Variants in NYAP2 observed in about 807,000 individuals in gnomAD.
NYAP2 encodes the protein neuronal tyrosine-phosphorylated phosphoinositide-3-kinase adapter 2.
A neutral mutation model predicts 50.4 loss-of-function variants in NYAP2; 23 were observed. The observed-to-expected ratio is 0.46, with a 90% CI of 0.33 to 0.65. The LOEUF is 0.65. Ranked by LOEUF, NYAP2 falls within the 30% of genes least tolerant of loss-of-function variation. NYAP2 has a pLI of 0.02. For synonymous variants in NYAP2, 394 were observed against 365.2 expected, an observed-to-expected ratio of 1.08 and a Z score of -0.90; for missense variants, 885 against 861.0, an observed-to-expected ratio of 1.03 and a Z score of -0.35.
At chr2:225,583,119 A>G in intron 5 of NYAP2, 84 bp downstream of exon 5, 1 of 1,449,666 alleles carries the variant, frequency 6.9e-7, no homozygotes, top group African/African-American at 1.4e-5. Flanking sequence ...CAGATAACGC[A>G]CAGAGTACGG....
chr2:225,656,711 A>T (rs527893876), downstream of NYAP2, among the ~76,000 whole-genome samples: 55 of 152,216 alleles, frequency 3.6e-4, no homozygotes, highest in South Asian at 6.2e-4. Context: ...CAAAATAGGG[A>T]TGTGGGGTCA....
In NYAP2 at chr2:225,469,663, T is replaced by C. The variant is rs961428701; in HGVS notation, c.222-43708T>C. 1.0e-3 allele frequency among the ~76,000 whole-genome samples: 154 copies of C among 152,340 alleles called. 1 individual carries two copies. The highest frequency in any genetic ancestry group is 3.5e-3 in the African/African-American group (145 of 41,592). On this transcript the variant is annotated intron_variant, in intron 3 of 6. Transcript: ENST00000636099. ...GGCACATATACACCATGGAATACTA[T>C]GCAACCATAAAGAAGGATGAGTTCG...
intron 3 of NYAP2, among the ~76,000 whole-genome samples, chr2:225,447,531 G>A (rs950701890): frequency 1.3e-5 from 2 of 152,108 alleles, no homozygotes; most frequent in Non-Finnish European, 2.9e-5. Context: ...CAAACCTGAT[G>A]TAGGCTACTA....
intron 4 of NYAP2, among the ~76,000 whole-genome samples, chr2:225,534,700 G>A (rs1183853219): frequency 6.6e-6 from 1 of 152,168 alleles, no homozygotes; most frequent in Non-Finnish European, 1.5e-5. Flanking sequence ...AAACCTTATA[G>A]TAATTGGAAC....
chr2:225,429,181 G>T (rs535677135), intron 3 of NYAP2, among the ~76,000 whole-genome samples: 3 of 152,140 alleles, frequency 2.0e-5, no homozygotes, highest in Admixed American at 1.3e-4. Flanking sequence ...TTGGCTGGGG[G>T]TGTCGAGGGG....
intron 4 of NYAP2, among the ~76,000 whole-genome samples, chr2:225,546,583 C>A (rs192901673): frequency 9.2e-5 from 14 of 152,224 alleles, no homozygotes; most frequent in African/African-American, 3.4e-4. Flanking sequence ...CCCTTCAGGG[C>A]AGTGGGCTCC....
intron 4 of NYAP2, among the ~76,000 whole-genome samples, chr2:225,559,642 T>C (rs533567650): frequency 6.6e-6 from 1 of 152,092 alleles, no homozygotes; most frequent in Non-Finnish European, 1.5e-5. Context: ...GAAGTCATTA[T>C]GTATCAAATA....
the NYAP2 span, chr2:225,702,960 C>T: frequency 1.3e-5 from 2 of 151,444 alleles, no homozygotes; most frequent in African/African-American, 2.4e-5. Context: ...AGTATACATA[C>T]TGTATATAAT....
intron 6 of NYAP2, among the ~76,000 whole-genome samples, chr2:225,644,107 T>A (rs1559238652): frequency 6.6e-6 from 1 of 151,526 alleles, no homozygotes; most frequent in Non-Finnish European, 1.5e-5. Flanking sequence ...CAGCACCTGT[T>A]GTTTCCTGAC....
chr2:225,585,557 C>G (rs1443140057), intron 5 of NYAP2, among the ~76,000 whole-genome samples: 4 of 152,092 alleles, frequency 2.6e-5, no homozygotes, highest in Non-Finnish European at 5.9e-5. Flanking sequence ...TTTTAGGGAG[C>G]CAAGGATTGA....
chr2:225,479,695 G>T (rs1210401460), intron 3 of NYAP2, among the ~76,000 whole-genome samples: 1 of 151,458 alleles, frequency 6.6e-6, no homozygotes, highest in Non-Finnish European at 1.5e-5. Flanking sequence ...ATTTGCATTT[G>T]CAGTCACCTT....
intron 3 of NYAP2, among the ~76,000 whole-genome samples, chr2:225,501,369 T>C (rs1690604465): frequency 1.3e-5 from 2 of 152,228 alleles, no homozygotes; most frequent in Admixed American, 1.3e-4. Flanking sequence ...GAAAATGATA[T>C]CTAATCCAGG....
chr2:225,456,239 A>C (rs1434302369), intron 3 of NYAP2, among the ~76,000 whole-genome samples: 1 of 152,190 alleles, frequency 6.6e-6, no homozygotes, highest in Non-Finnish European at 1.5e-5. Flanking sequence ...CCTTGCCCAG[A>C]CTTTCTGCAT....
At chr2:225,692,869 A>G in the NYAP2 span, among the ~76,000 whole-genome samples, 1 of 130,398 alleles carries the variant, frequency 7.7e-6, no homozygotes, top group Admixed American at 7.7e-5. Context: ...ATCTTTAAAC[A>G]TACACACACA....
the NYAP2 span, among the ~76,000 whole-genome samples, chr2:225,665,856 C>CAGG: frequency 8.5e-6 from 1 of 117,816 alleles, no homozygotes; most frequent in Admixed American, 1.0e-4. Flanking sequence ...CCCAGATAGA[C>CAGG]AGGAGGTAAG....
At chr2:225,454,160 C>A (rs994029787) in intron 3 of NYAP2, among the ~76,000 whole-genome samples, 55 of 151,712 alleles carry the variant, frequency 3.6e-4, no homozygotes, top group Non-Finnish European at 5.9e-4. Flanking sequence ...CCTATCTGCA[C>A]ACAAAAAATT....
chr2:225,452,956 A>G (rs984314487), intron 3 of NYAP2, among the ~76,000 whole-genome samples: 3 of 152,138 alleles, frequency 2.0e-5, no homozygotes, highest in African/African-American at 7.2e-5. Context: ...TTTGTGCATA[A>G]TCAACCATTA....
At chr2:225,513,671 A>C in exon 4 of NYAP2, 1 of 1,502,850 alleles carries the variant, frequency 6.7e-7, no homozygotes, top group Non-Finnish European at 8.9e-7. Flanking sequence ...AGAGGACTGA[A>C]GGTAAAACAC....
At chr2:225,527,236 A>G (rs1219306732) in intron 4 of NYAP2, among the ~76,000 whole-genome samples, 2 of 152,202 alleles carry the variant, frequency 1.3e-5, no homozygotes, top group Non-Finnish European at 1.5e-5. Context: ...TCCATGAGAA[A>G]TCAATAAGCC....
Sources: allele counts gnomAD v4.1 joint callset (sites outside exome capture counted in the v4.1 genomes callset), GRCh38; gene constraint gnomAD v4.1.1; transcripts MANE v1.5; gene names NCBI Gene and HGNC (gene_info 2026-07-23, HGNC 2026-07-21).